CNBD2: variants seen among roughly 807,000 people sequenced by gnomAD.
CNBD2 encodes the protein cyclic nucleotide-binding domain-containing protein 2.
A neutral mutation model predicts 63.7 loss-of-function variants in CNBD2; 64 were observed. The ratio of observed to expected loss-of-function variants is 1.00; its 90% CI spans 0.82 to 1.24. The LOEUF (loss-of-function observed/expected upper bound fraction) is 1.24, where lower values mean the gene tolerates loss of function less well. Ranked by LOEUF, CNBD2 falls within the 50% of genes most tolerant of loss-of-function variation. CNBD2 has a pLI of 0.00. For synonymous variants in CNBD2, 229 were observed against 255.4 expected (o/e 0.90, Z 0.99); for missense variants, 691 against 713.5 (o/e 0.97, Z 0.36).
At position 36,008,427 on chromosome 20, in the gene CNBD2, C is replaced by T. The variant is rs1363281113; in HGVS notation, c.1101C>T (p.Ile367=). The T allele has an allele frequency of 6.2e-7, 1 of 1,614,030 alleles. No individual in the cohort carries two copies. The highest frequency in any genetic ancestry group is 8.5e-7 in the Non-Finnish European group (1 of 1,179,996). Residue 367 remains isoleucine (I), a synonymous_variant, in exon 9 of 12, where the codon ATC becomes ATT. Transcript: ENST00000373973. The part of the protein sequence containing the change: ...GLQGTSFSRK[I]RTSGDTLPKM... ...AGGGGACAAGCTTCAGCAGGAAGAT[C>T]AGAACCTCAGGAGACACTCTCCCCA...
chr20:36,015,991 G>C (rs1319137843), intron 10 of CNBD2, among the ~76,000 whole-genome samples: 10 of 152,216 alleles, frequency 6.6e-5, no homozygotes, highest in Admixed American at 6.5e-4. Flanking sequence ...AACACAGCCA[G>C]ATCATCAAGG....
intron 11 of CNBD2, among the ~76,000 whole-genome samples, chr20:36,025,257 G>T (rs2057269480): frequency 6.6e-6 from 1 of 152,148 alleles, no homozygotes; most frequent in South Asian, 2.1e-4. Context: ...AATGCCTATG[G>T]TAAGAGTCGT....
Position 36,023,711 on chromosome 20 carries a change from T to C in CNBD2, c.1379T>C (p.Leu460Pro). ...ATAAGGAAGGAAATATTTTATGAAC[T>C]GATTGACAATGATGACGAGATGATA... ...IRIRKEIFYE[L>P]IDNDDEMIKK... is the part of the protein sequence containing the mutation. Residue 460 changes from leucine (L) to proline (P), a missense_variant, in exon 11 of 12, where the codon CTG (leucine) becomes CCG (proline). Leu to Pro is a moderately conservative substitution (Grantham distance 98). Coordinates refer to ENST00000373973, the MANE Select transcript of CNBD2 (RefSeq NM_001365709.1). 1.9e-6 allele frequency: 3 copies of C among 1,613,806 alleles called. No individual in the cohort carries two copies. The highest frequency in any genetic ancestry group is 1.7e-6 in the Non-Finnish European group (2 of 1,179,888).
At chr20:35,984,550 C>T in intron 5 of CNBD2, 77 bp from the exon 6 acceptor site, 1 of 1,474,082 alleles carries the variant, frequency 6.8e-7, no homozygotes, top group South Asian at 1.3e-5. Flanking sequence ...AAGATGGAGG[C>T]ACGGAAGATG....
chr20:35,995,289 A>T lies in CNBD2; in HGVS notation c.970+137A>T, dbSNP rs1164900659. The T allele has an allele frequency of 1.2e-5, 7 of 566,962 alleles. No homozygotes were observed. In the Admixed American group the frequency reaches 2.2e-4, roughly 18 times the overall value. 35.1% of individuals were successfully genotyped at this position (566,962 alleles called of 1,614,324 possible). A position where few individuals can be genotyped will look rare whatever the true frequency, so the allele number is the denominator to read the frequency against. Reference sequence around the variant, plus strand: ...ATCTGCACCCTTCTACCAGCGGTGGAAACCCAGTCTGCAAGGCCCTGCCCT... The same window carrying T: ...ATCTGCACCCTTCTACCAGCGGTGGTAACCCAGTCTGCAAGGCCCTGCCCT... On this transcript the variant is annotated intron_variant, in intron 8 of 11. Coordinates refer to ENST00000373973, the MANE Select transcript of CNBD2 (RefSeq NM_001365709.1).
intron 8 of CNBD2, among the ~76,000 whole-genome samples, chr20:35,997,234 C>T (rs1407952377): frequency 6.6e-6 from 1 of 152,178 alleles, no homozygotes; most frequent in African/African-American, 2.4e-5. Flanking sequence ...TCAGTACTGG[C>T]ATGCTTCCCC....
chr20:35,972,210 G>A (rs1477818900), intron 1 of CNBD2, among the ~76,000 whole-genome samples: 1 of 152,140 alleles, frequency 6.6e-6, no homozygotes, highest in African/African-American at 2.4e-5. Flanking sequence ...ACAGCCAGCA[G>A]TGTTGCATTC....
intron 11 of CNBD2, among the ~76,000 whole-genome samples, chr20:36,027,233 G>A (rs1018676782): frequency 6.6e-5 from 10 of 152,126 alleles, no homozygotes; most frequent in African/African-American, 2.2e-4. Context: ...GGTCAGATAC[G>A]GTTTTGGCAG....
chr20:35,980,410 T>C (rs2056579772), intron 3 of CNBD2, 49 bp from the exon 4 acceptor site: 3 of 1,583,280 alleles, frequency 1.9e-6, no homozygotes, highest in Non-Finnish European at 2.6e-6. Flanking sequence ...CGCTGGCCCA[T>C]GGGTGAAATT....
downstream of CNBD2, chr20:35,957,679 C>G (rs1048829161): frequency 7.2e-5 from 11 of 152,246 alleles, no homozygotes; most frequent in African/African-American, 2.2e-4. Context: ...CCAGATTAAG[C>G]TTAAAATATA....
chr20:35,999,164 T>A (rs978257886), intron 8 of CNBD2, among the ~76,000 whole-genome samples: 2 of 152,184 alleles, frequency 1.3e-5, no homozygotes, highest in African/African-American at 4.8e-5. Flanking sequence ...TTGGTATATC[T>A]TTTTCCATCC....
At chr20:36,006,143 C>T (rs943124876) in intron 8 of CNBD2, among the ~76,000 whole-genome samples, 1 of 150,266 alleles carries the variant, frequency 6.7e-6, no homozygotes, top group South Asian at 2.1e-4. Context: ...ATTCTCTTGC[C>T]TCAGCCTCTG....
At chr20:36,025,590 TGA>T (rs1449536772) in intron 11 of CNBD2, among the ~76,000 whole-genome samples, 1 of 152,156 alleles carries the variant, frequency 6.6e-6, no homozygotes, top group African/African-American at 2.4e-5. Flanking sequence ...TCCAAAATGC[TGA>T]GATTTACTTT....
At chr20:35,956,452 A>G (rs576500828), downstream of CNBD2, among the ~76,000 whole-genome samples, 57 of 152,310 alleles carry the variant, frequency 3.7e-4, no homozygotes, top group African/African-American at 1.3e-3. Context: ...TTTAGACAAG[A>G]TACTCTGTCC....
At chr20:35,975,014 T>G (rs533902604) in intron 2 of CNBD2, 1 of 150,274 alleles carries the variant, frequency 6.7e-6, no homozygotes, top group African/African-American at 2.4e-5. Flanking sequence ...TTTATTTTTT[T>G]TTTTTGAGAC....
intron 1 of CNBD2, among the ~76,000 whole-genome samples, chr20:35,971,538 C>T (rs1487094944): frequency 6.6e-6 from 1 of 152,156 alleles, no homozygotes; most frequent in Non-Finnish European, 1.5e-5. Flanking sequence ...GCCTCAGCCT[C>T]CCGAGTAGCT....
At chr20:36,012,822 CAAAA>C (rs141479430) in intron 10 of CNBD2, among the ~76,000 whole-genome samples, 5 of 87,204 alleles carry the variant, frequency 5.7e-5, no homozygotes, top group African/African-American at 1.5e-4. Flanking sequence ...AAATCCGTCT[CAAAA>C]AAAAAAAAAA....
At chr20:36,004,122 C>T (rs2056952283) in intron 8 of CNBD2, among the ~76,000 whole-genome samples, 1 of 152,166 alleles carries the variant, frequency 6.6e-6, no homozygotes, top group Non-Finnish European at 1.5e-5. Flanking sequence ...AATAAAATCT[C>T]ATCACTTCTG....
chr20:36,011,683 G>A (rs2057063699), intron 10 of CNBD2, among the ~76,000 whole-genome samples: 1 of 152,076 alleles, frequency 6.6e-6, no homozygotes, highest in South Asian at 2.1e-4. Flanking sequence ...ATACAGATTG[G>A]GAAGTAAGAA....
Sources: gnomAD v4.1 joint callset for allele counts (sites outside exome capture counted in the v4.1 genomes callset) on GRCh38, gnomAD v4.1.1 for gene constraint, MANE v1.5 for transcripts, NCBI Gene and HGNC (gene_info 2026-07-23, HGNC 2026-07-21) for gene names.